MPPED1: variants seen among roughly 807,000 people sequenced by gnomAD.
The protein encoded by MPPED1 is metallophosphoesterase domain containing 1.
Under a neutral mutation model 36.2 loss-of-function variants are expected in MPPED1, and 16 were observed. That is an observed-to-expected ratio of 0.44 (90% confidence interval 0.30 to 0.67). The LOEUF (loss-of-function observed/expected upper bound fraction) is 0.67. MPPED1 is among the 30% of genes least tolerant of loss of function. The pLI, the probability that MPPED1 is intolerant of heterozygous loss-of-function variation, is 0.10. For synonymous variants in MPPED1, 199 were observed against 191.3 expected (o/e 1.04, Z -0.33); for missense variants, 307 against 453.4 (o/e 0.68, Z 2.93).
intron 4 of MPPED1, among the ~76,000 whole-genome samples, chr22:43,481,979 G>T (rs143994087): frequency 6.6e-6 from 1 of 152,186 alleles, no homozygotes; most frequent in East Asian, 1.9e-4. Flanking sequence ...CTCCCAGGGC[G>T]CCGTGACGTT....
chr22:43,445,523 G>A (rs1283428746), intron 3 of MPPED1, among the ~76,000 whole-genome samples: 1 of 148,336 alleles, frequency 6.7e-6, no homozygotes, highest in African/African-American at 2.5e-5. Flanking sequence ...CCCTCTTGCT[G>A]CCATCTTATC....
intron 4 of MPPED1, among the ~76,000 whole-genome samples, chr22:43,487,461 C>G (rs147311460): frequency 2.0e-4 from 30 of 152,298 alleles, no homozygotes; most frequent in African/African-American, 7.2e-4. Flanking sequence ...CCTAAAGCCC[C>G]GTGTGCCACG....
At position 43,502,680 on chromosome 22, in the gene MPPED1, T is replaced by G. The variant is rs1602030510; in HGVS notation, c.785T>G (p.Val262Gly). The G allele has an allele frequency of 6.2e-7, 1 of 1,613,128 alleles. No homozygotes were observed. Among genetic ancestry groups the G allele is most frequent in the Non-Finnish European group, 8.5e-7 (1 of 1,179,814 alleles). ...LDWVPKKMQR[V>G]GCVELLNTVQ... The stretch of plus-strand genomic sequence containing the variant: ...TGGGTCCCCAAGAAGATGCAGCGGG[T>G]GGGCTGTGTGGAGCTGCTCAACACG... The change falls in exon 6 of 7, where the codon GTG (valine) becomes GGG (glycine). Residue 262 changes from valine to glycine, a missense_variant. Around this residue, in one of 3 missense-constraint regions of MPPED1, gnomAD observed 132 missense variants for 212.3 expected, o/e 0.62. Coordinates refer to ENST00000443721, the MANE Select transcript of MPPED1 (RefSeq NM_001044370.2). This position sits in a 1 kb window ranked among gnomAD's most constrained non-coding sequence, Gnocchi z 5.5.
At chr22:43,499,170 T>C (rs1468413801) in intron 5 of MPPED1, among the ~76,000 whole-genome samples, 4 of 138,110 alleles carry the variant, frequency 2.9e-5, no homozygotes, top group African/African-American at 1.1e-4. Context: ...GAGGTGATGG[T>C]GGGAGGTGGA....
intron 4 of MPPED1, among the ~76,000 whole-genome samples, chr22:43,490,225 T>C (rs1379401755): frequency 6.6e-6 from 1 of 152,210 alleles, no homozygotes; most frequent in Non-Finnish European, 1.5e-5. Flanking sequence ...TTCTATGCAT[T>C]TGGAGATGTT....
At chr22:43,478,430 G>C (rs1016986814) in intron 4 of MPPED1, among the ~76,000 whole-genome samples, 9 of 152,308 alleles carry the variant, frequency 5.9e-5, no homozygotes, top group African/African-American at 2.2e-4. Context: ...TTACGTTCTC[G>C]TGGGAGACAG....
At chr22:43,455,869 A>G (rs749528956) in intron 3 of MPPED1, among the ~76,000 whole-genome samples, 1 of 152,210 alleles carries the variant, frequency 6.6e-6, no homozygotes, top group Non-Finnish European at 1.5e-5. Context: ...GTAACAAGTT[A>G]TCACAAGCTT....
chr22:43,495,388 G>C (rs1213111905), intron 4 of MPPED1, among the ~76,000 whole-genome samples: 3 of 151,032 alleles, frequency 2.0e-5, no homozygotes, highest in East Asian at 3.9e-4. Context: ...TGATGGTGGT[G>C]GTAGTGATGG....
At chr22:43,469,989 C>T (rs1438514302) in intron 3 of MPPED1, among the ~76,000 whole-genome samples, 1 of 151,912 alleles carries the variant, frequency 6.6e-6, no homozygotes, top group Non-Finnish European at 1.5e-5. Context: ...ATCTACCCAC[C>T]CACCAACCCA....
chr22:43,468,656 A>G (rs754899355), intron 3 of MPPED1, among the ~76,000 whole-genome samples: 1 of 152,048 alleles, frequency 6.6e-6, no homozygotes, highest in Non-Finnish European at 1.5e-5. Flanking sequence ...TAGGAGAGCT[A>G]CAGGCCTCTT....
intron 4 of MPPED1, among the ~76,000 whole-genome samples, chr22:43,475,885 ATGATGG>A (rs1931558430): frequency 1.8e-5 from 1 of 56,386 alleles, no homozygotes; most frequent in Non-Finnish European, 3.6e-5. Flanking sequence ...GATGATGGTG[ATGATGG>A]TGGTTATGCT....
At chr22:43,489,036 A>G (rs1246593626) in intron 4 of MPPED1, among the ~76,000 whole-genome samples, 1 of 152,092 alleles carries the variant, frequency 6.6e-6, no homozygotes, top group Admixed American at 6.5e-5. Context: ...GGTGGGCTTG[A>G]TCAGGGCTGA....
chr22:43,498,201 C>T lies in MPPED1; in HGVS notation c.633-34C>T, dbSNP rs1330365445. ...CCTCTGACCACCCTGTACTTTCACC[C>T]GCCCTCCCTCAAACACCTGCACTTC... On this transcript the variant is annotated intron_variant, in intron 4 of 6. Coordinates refer to ENST00000443721, the MANE Select transcript of MPPED1 (RefSeq NM_001044370.2). 21 of 1,503,912 alleles carry T rather than the reference C, an allele frequency of 1.4e-5. 1 individual carries two copies. Among genetic ancestry groups the T allele is most frequent in the Middle Eastern group, 1.7e-4 (1 of 5,914 alleles). The allele number at this position is 1,503,912 out of a possible 1,614,324, so 93.2% of individuals were successfully genotyped here.
intron 4 of MPPED1, among the ~76,000 whole-genome samples, chr22:43,491,731 T>TGGTGGCGGTGATGGA (rs1932102873): frequency 8.9e-6 from 1 of 111,822 alleles, no homozygotes; most frequent in Non-Finnish European, 1.8e-5. Context: ...AAGATGATGC[T>TGGTGGCGGTGATGGA]GGTGGTGGTG....
intron 3 of MPPED1, among the ~76,000 whole-genome samples, chr22:43,452,981 GCT>G (rs1417062442): frequency 5.3e-4 from 75 of 142,102 alleles, no homozygotes; most frequent in African/African-American, 1.9e-3. Context: ...TTTGATTCTC[GCT>G]CTGTCACCTA....
chr22:43,460,206 A>AAAAAACAAAAAC (rs135033), intron 3 of MPPED1, among the ~76,000 whole-genome samples: 3 of 128,894 alleles, frequency 2.3e-5, no homozygotes, highest in Non-Finnish European at 3.1e-5. Context: ...ACTCCATCTC[A>AAAAAACAAAAAC]AAAAACAAAA....
intron 4 of MPPED1, among the ~76,000 whole-genome samples, chr22:43,494,209 A>T (rs953356900): frequency 6.6e-6 from 1 of 151,976 alleles, no homozygotes; most frequent in Non-Finnish European, 1.5e-5. Flanking sequence ...CTAATTTTTT[A>T]AAAATATTTT....
chr22:43,428,512 A>T lies in MPPED1; in HGVS notation c.224+3303A>T, dbSNP rs1436898273. Reference sequence around the variant, plus strand: ...GGTGGCTGAATGGATTTCCATGGCGAGTCGGCTGCTCCCTCCCAGGAGCGG... The same window carrying T: ...GGTGGCTGAATGGATTTCCATGGCGTGTCGGCTGCTCCCTCCCAGGAGCGG... On this transcript the variant is annotated intron_variant, in intron 2 of 6. Coordinates refer to ENST00000443721, the MANE Select transcript of MPPED1 (RefSeq NM_001044370.2). 2.6e-5 allele frequency among the ~76,000 whole-genome samples: 4 copies of T among 152,296 alleles called. No individual in the cohort carries two copies. In the East Asian group the frequency reaches 7.7e-4, roughly 29 times the overall value.
chr22:43,477,035 T>G (rs1931598853), intron 4 of MPPED1, among the ~76,000 whole-genome samples: 1 of 151,750 alleles, frequency 6.6e-6, no homozygotes, highest in Non-Finnish European at 1.5e-5. Flanking sequence ...GCCCAGGAGG[T>G]GGGTTCAGGG....
Sources: gnomAD v4.1 joint callset for allele counts (sites outside exome capture counted in the v4.1 genomes callset) on GRCh38, gnomAD v4.1.1 for gene constraint, gnomAD v4.1.1 regional missense constraint, Gnocchi (gnomAD v3.1) non-coding constraint, MANE v1.5 for transcripts, NCBI Gene and HGNC (gene_info 2026-07-23, HGNC 2026-07-21) for gene names.